SEPTIN4: variants seen among roughly 807,000 people sequenced by gnomAD.
SEPTIN4 encodes septin 4.
A neutral mutation model predicts 107.1 loss-of-function variants in SEPTIN4; 52 were observed. The ratio of observed to expected loss-of-function variants is 0.49; its 90% confidence interval spans 0.39 to 0.61. SEPTIN4 has a LOEUF of 0.61. Among genes scored for constraint, SEPTIN4 ranks in the 20% least tolerant of loss-of-function variants. The pLI is 0.00. For missense variants in SEPTIN4, 1,048 were observed against 1,243.5 expected, an observed-to-expected ratio of 0.84 and a Z score of 2.36; for synonymous variants, 417 against 467.0, an observed-to-expected ratio of 0.89 and a Z score of 1.38.
chr17:58,539,070 C>A, intron 3 of SEPTIN4: 15 of 1,308,192 alleles, frequency 1.1e-5, no homozygotes, highest in African/African-American at 1.5e-5. Context: ...CTAGCTCTCT[C>A]ATGCATTAGA....
chr17:58,535,746 T>G (rs1716294239), intron 3 of SEPTIN4, among the ~76,000 whole-genome samples: 1 of 152,248 alleles, frequency 6.6e-6, no homozygotes, highest in African/African-American at 2.4e-5. Flanking sequence ...GCAGGGACTA[T>G]GTCTTTTCTT....
intron 3 of SEPTIN4, among the ~76,000 whole-genome samples, chr17:58,537,829 CAAAAAA>C (rs34156939): frequency 1.7e-5 from 1 of 60,274 alleles, no homozygotes; most frequent in Admixed American, 1.9e-4. Context: ...GACTCTGTCT[CAAAAAA>C]AAAAAAAAAA....
chr17:58,520,886 C>T (rs1367564707), intron 12 of SEPTIN4, 44 bp from the exon 13 acceptor site: 2 of 1,613,812 alleles, frequency 1.2e-6, no homozygotes, highest in Non-Finnish European at 1.7e-6. Context: ...GACCCCAGCA[C>T]CCGCTTAGAT....
rs145841250 is a variant in SEPTIN4, at chr17:58,521,629, C to T, written c.2487G>A (p.Glu829=). 899 of 1,614,218 alleles carry T rather than the reference C, an allele frequency of 5.6e-4. 3 individuals carry two copies. In the African/African-American group the frequency reaches 0.01, roughly 18 times the overall value. The change falls in exon 10 of 14, where the codon GAG becomes GAA. Residue 829 remains glutamate (E), a synonymous_variant. Coordinates refer to ENST00000672673, the MANE Select transcript of SEPTIN4 (RefSeq NM_001368771.2). The surrounding 1 kb of genome is among the most constrained non-coding windows in gnomAD (Gnocchi z 6.4). ...HKKRKIREEI[E]HFGIKIYQFP... ...ATTGATAGATCTTGATTCCAAAATG[C>T]TCAATCTCCTCCCGGATCTGACAAA...
intron 3 of SEPTIN4, among the ~76,000 whole-genome samples, chr17:58,539,783 G>A (rs2043826878): frequency 6.6e-6 from 1 of 152,160 alleles, no homozygotes; most frequent in Non-Finnish European, 1.5e-5. Flanking sequence ...GAGAAAGGGA[G>A]GGAGGGACTT....
At position 58,521,079 on chromosome 17, in the gene SEPTIN4, G is replaced by A. The variant is rs1184658309; in HGVS notation, c.2750C>T (p.Thr917Ile). 5 of 1,614,022 alleles carry A rather than the reference G, an allele frequency of 3.1e-6. No individual in the cohort carries two copies. The highest frequency in any genetic ancestry group is 3.3e-5 in the Admixed American group (2 of 59,998). Residue 917 changes from threonine (T) to isoleucine (I), a missense_variant, in exon 12 of 14, where the codon ACA becomes ATA. By Grantham distance (89) the Thr-to-Ile change is moderately conservative (BLOSUM62 -1). This residue lies in a region of SEPTIN4 where 261 missense variants were observed against 371.7 expected (regional missense o/e 0.70). Coordinates refer to ENST00000672673, the MANE Select transcript of SEPTIN4 (RefSeq NM_001368771.2). This position sits in a 1 kb window ranked among gnomAD's most constrained non-coding sequence, Gnocchi z 6.4. ...GTAGTTCTCATAATGTGTCTCCCGT[G>A]TCACATCCTTCAGGTCCTGCATGTG... ...RTHMQDLKDV[T>I]RETHYENYRA... is the part of the protein sequence containing the mutation.
At position 58,544,248 on chromosome 17, in the gene SEPTIN4, C is replaced by T; in HGVS notation, c.-62G>A. ...TTACTGGCTGGCTTGTATTCAGGATCCTAATGATGCCTGAATATTTACCCT... is the reference window on the plus strand; with the variant it reads ...TTACTGGCTGGCTTGTATTCAGGATTCTAATGATGCCTGAATATTTACCCT... On this transcript the variant is annotated 5_prime_UTR_variant, in exon 1 of 14. Transcript: ENST00000672673. The T allele has an allele frequency of 6.6e-7, 1 of 1,513,876 alleles. No individual in the cohort carries two copies. The highest frequency in any genetic ancestry group is 8.8e-7 in the Non-Finnish European group (1 of 1,131,968). 93.8% of individuals were successfully genotyped at this position (1,513,876 alleles called of 1,614,324 possible). A position where few individuals can be genotyped will look rare whatever the true frequency, so the allele number is the denominator to read the frequency against.
In SEPTIN4 at chr17:58,543,657, G is replaced by A. The variant is rs2043946480; in HGVS notation, c.530C>T (p.Pro177Leu). The A allele has an allele frequency of 6.2e-7, 1 of 1,614,048 alleles. No individual in the cohort carries two copies. The highest frequency in any genetic ancestry group is 1.3e-5 in the African/African-American group (1 of 74,920). Residue 177 changes from proline (P) to leucine (L), a missense_variant, in exon 1 of 14, where the codon CCA becomes CTA. By Grantham distance (98) the Pro-to-Leu change is moderately conservative. Coordinates refer to ENST00000672673, the MANE Select transcript of SEPTIN4 (RefSeq NM_001368771.2). ...TTGGGGGTTCTGGACCTTGGATGGTGGGTCATCTTCTAAGATTTGTGATTG... is the reference window on the plus strand; with the variant it reads ...TTGGGGGTTCTGGACCTTGGATGGTAGGTCATCTTCTAAGATTTGTGATTG... ...NLQSQILEDDPPSKVQNPQGV... is the reference protein window; with the variant it reads ...NLQSQILEDDLPSKVQNPQGV...
At position 58,525,691 on chromosome 17, in the gene SEPTIN4, T is replaced by C. The variant is rs1393000378; in HGVS notation, c.2092+4A>G. On this transcript the variant is annotated splice_donor_region_variant and intron_variant, in intron 6 of 13. Coordinates refer to ENST00000672673, the MANE Select transcript of SEPTIN4 (RefSeq NM_001368771.2). ...TCTGCCTGATTGTCCTCTCCTTTCCTTACCTTCAGCACCAAGAAGTTTCCG... is the reference window on the plus strand; with the variant it reads ...TCTGCCTGATTGTCCTCTCCTTTCCCTACCTTCAGCACCAAGAAGTTTCCG... 6.2e-7 allele frequency: 1 copy of C among 1,613,226 alleles called. No individual in the cohort carries two copies. The highest frequency in any genetic ancestry group is 8.5e-7 in the Non-Finnish European group (1 of 1,179,314).
chr17:58,537,675 C>T (rs190613105), intron 3 of SEPTIN4, among the ~76,000 whole-genome samples: 30 of 152,128 alleles, frequency 2.0e-4, no homozygotes, highest in Admixed American at 1.9e-3. Flanking sequence ...ACTAAAAATA[C>T]AAAAACTAGC....
intron 3 of SEPTIN4, 153 bp from the exon 4 acceptor site, chr17:58,527,131 G>A (rs749679520): frequency 7.8e-7 from 1 of 1,283,552 alleles, no homozygotes; most frequent in Non-Finnish European, 1.1e-6. Flanking sequence ...CAAGACAGAG[G>A]AAGTGCTCAC....
At position 58,520,334 on chromosome 17, in the gene SEPTIN4, G is replaced by A; in HGVS notation, c.*92C>T. The A allele has an allele frequency of 8.3e-7, 1 of 1,200,440 alleles. No individual in the cohort carries two copies. 74.4% of individuals were successfully genotyped at this position (1,200,440 alleles called of 1,614,324 possible). On this transcript the variant is annotated 3_prime_UTR_variant, in exon 14 of 14. Coordinates refer to ENST00000672673, the MANE Select transcript of SEPTIN4 (RefSeq NM_001368771.2). ...AGGGATGTAAGGCGAAGTGGCAGTA[G>A]CTGAAGGGGCCTGAGCAGAGCTGGT...
At position 58,542,804 on chromosome 17, in the gene SEPTIN4, A is replaced by G. The variant is rs1408817579; in HGVS notation, c.1383T>C (p.Gly461=). The G allele has an allele frequency of 1.2e-6, 2 of 1,613,970 alleles. No individual in the cohort carries two copies. Among genetic ancestry groups the G allele is most frequent in the Non-Finnish European group, 1.7e-6 (2 of 1,180,022 alleles). Residue 461 remains glycine, a synonymous_variant, in exon 1 of 14, where the codon GGT becomes GGC. Transcript: ENST00000672673. ...AGAAAGGGCTAGAGTCTATTTTAAA[A>G]CCGGACAATAAAAGATCTAGGGAAG... ...CSPSLDLLLS[G]FKIDSSPFCE...
intron 3 of SEPTIN4, among the ~76,000 whole-genome samples, chr17:58,533,148 C>T (rs139791755): frequency 2.0e-4 from 30 of 152,216 alleles, no homozygotes; most frequent in African/African-American, 6.7e-4. Flanking sequence ...TGGGACCAGT[C>T]AGAACTCAGC....
At chr17:58,525,543 G>A in intron 6 of SEPTIN4, 152 bp downstream of exon 6, 1 of 676,076 alleles carries the variant, frequency 1.5e-6, no homozygotes, top group African/African-American at 1.8e-5. Context: ...TGGCTGGTGG[G>A]CTGCCAGGCA....
chr17:58,520,398 G>A lies in SEPTIN4; in HGVS notation c.*28C>T. ...GGCATGGACAGGAAGAAGAGGAGGA[G>A]ATTTAAATATCCAGGGCTGAAAGCC... On this transcript the variant is annotated 3_prime_UTR_variant, in exon 14 of 14. Transcript: ENST00000672673. 1.2e-6 allele frequency: 2 copies of A among 1,608,780 alleles called. No homozygotes were observed. The highest frequency in any genetic ancestry group is 1.7e-6 in the Non-Finnish European group (2 of 1,176,986).
chr17:58,541,630 T>C (rs2043877754), intron 2 of SEPTIN4: 6 of 734,304 alleles, frequency 8.2e-6, no homozygotes, highest in Middle Eastern at 4.1e-4. Context: ...AATCATGTGA[T>C]AGATGACCAA....
chr17:58,532,967 A>T (rs1375495213), intron 3 of SEPTIN4, among the ~76,000 whole-genome samples: 1 of 152,186 alleles, frequency 6.6e-6, no homozygotes, highest in Non-Finnish European at 1.5e-5. Flanking sequence ...TTCCAGAAGC[A>T]TGTCCCTTCC....
At chr17:58,529,304 C>A in intron 3 of SEPTIN4, 1 of 1,556,582 alleles carries the variant, frequency 6.4e-7, no homozygotes, top group East Asian at 2.4e-5. Flanking sequence ...GCTCCTTTCC[C>A]TTTCTCTTTG....
Sources: allele counts gnomAD v4.1 joint callset (sites outside exome capture counted in the v4.1 genomes callset), GRCh38; gene constraint gnomAD v4.1.1; regional missense constraint gnomAD v4.1.1; non-coding constraint Gnocchi (gnomAD v3.1); transcripts MANE v1.5; gene names NCBI Gene and HGNC (gene_info 2026-07-23, HGNC 2026-07-21).